AK6: variants seen among roughly 807,000 people sequenced by gnomAD.
AK6 encodes adenylate kinase 6.
Under a neutral mutation model 23.7 loss-of-function variants are expected in AK6, and 24 were observed. That is an observed-to-expected ratio of 1.01 (90% CI 0.73 to 1.43). The LOEUF (loss-of-function observed/expected upper bound fraction) is 1.43, where lower values mean the gene tolerates loss of function less well. Ranked by LOEUF, AK6 falls within the 40% of genes most tolerant of loss-of-function variation. The pLI is 0.00. For missense variants in AK6, 191 were observed against 199.1 expected (o/e 0.96, Z 0.24); for synonymous variants, 73 against 69.8 (o/e 1.05, Z -0.23).
chr5:69,355,551 C>G (rs772933783), intron 4 of AK6, 98 bp downstream of exon 4: 1 of 1,331,876 alleles, frequency 7.5e-7, no homozygotes, highest in South Asian at 1.5e-5. Context: ...CAAAACAAAA[C>G]AAAACAAACA....
intron 1 of AK6, 175 bp downstream of exon 1, chr5:69,369,288 T>C (rs535861720): frequency 2.1e-4 from 24 of 114,206 alleles, no homozygotes; most frequent in African/African-American, 1.3e-3. Context: ...GTCCCCTCCC[T>C]CGCCTCCCGC....
rs1580303796 is a variant in AK6 at position 69,355,742 on chromosome 5, T to C, written c.233A>G (p.Tyr78Cys). Reference protein sequence around the residue: ...QMREGGVIVDYHGCDFFPERW... With the variant: ...QMREGGVIVDCHGCDFFPERW... ...TTCAGGGAAGAAATCACAACCATGG[T>C]AATCAACAATAACTCCACCTTCTCT... The change falls in exon 4 of 5, where the codon TAC becomes TGC. Residue 78 changes from tyrosine to cysteine, a missense_variant. Transcript: ENST00000380822. The C allele has an allele frequency of 6.2e-7, 1 of 1,613,828 alleles. No homozygotes were observed. Among genetic ancestry groups the C allele is most frequent in the Non-Finnish European group, 8.5e-7 (1 of 1,179,906 alleles).
At chr5:69,367,211 G>A (rs1163931980) in intron 1 of AK6, among the ~76,000 whole-genome samples, 1 of 151,820 alleles carries the variant, frequency 6.6e-6, no homozygotes, top group Non-Finnish European at 1.5e-5. Context: ...GAACTGCTGA[G>A]AATAAAATTA....
chr5:69,364,345 T>A (rs908995537), intron 2 of AK6, among the ~76,000 whole-genome samples: 1 of 151,012 alleles, frequency 6.6e-6, no homozygotes, highest in Non-Finnish European at 1.5e-5. Flanking sequence ...AAGAGACACT[T>A]ATAAATTTTT....
At chr5:69,359,654 T>A (rs980991043) in intron 2 of AK6, among the ~76,000 whole-genome samples, 1 of 152,202 alleles carries the variant, frequency 6.6e-6, no homozygotes, top group Non-Finnish European at 1.5e-5. Context: ...CTAGAACTTA[T>A]ATACACTCAA....
intron 1 of AK6, among the ~76,000 whole-genome samples, chr5:69,367,609 T>G (rs559485203): frequency 3.3e-5 from 5 of 151,974 alleles, no homozygotes; most frequent in Admixed American, 3.3e-4. Context: ...TAGGCTGGAG[T>G]GCAGTGGAAC....
At chr5:69,368,655 TC>T (rs1240857132) in intron 1 of AK6, among the ~76,000 whole-genome samples, 2 of 152,198 alleles carry the variant, frequency 1.3e-5, no homozygotes, top group Non-Finnish European at 2.9e-5. Flanking sequence ...ACTTTACTGT[TC>T]CCACAAAGAG....
chr5:69,367,466 C>T (rs71622289), intron 1 of AK6, among the ~76,000 whole-genome samples: 3 of 147,454 alleles, frequency 2.0e-5, no homozygotes, highest in Non-Finnish European at 3.0e-5. Context: ...GCCAAGATCG[C>T]GCCACAGCAC....
chr5:69,364,962 T>C, intron 2 of AK6: 1 of 1,611,866 alleles, frequency 6.2e-7, no homozygotes, highest in African/African-American at 1.3e-5. Context: ...ATCATAGTCA[T>C]CATCATCATC....
rs796808528 is a variant in AK6 at position 69,368,107 on chromosome 5, TA to T, written c.28+1355del. ...CGCCCTTCCCTAGAGATAACCACTG[TA>T]AACCAGTTTCCTTTCCCAAAGAAAC... On this transcript the variant is annotated intron_variant, in intron 1 of 4. Coordinates refer to ENST00000380822, the MANE Select transcript of AK6 (RefSeq NM_016283.5). Among the ~76,000 whole-genome samples the T allele has an allele frequency of 9.2e-5, 14 of 152,318 alleles. 1 individual carries two copies. The highest frequency in any genetic ancestry group is 3.4e-4 in the African/African-American group (14 of 41,576).
At chr5:69,369,316 G>C (rs1288827716) in intron 1 of AK6, 147 bp downstream of exon 1, 26 of 648,234 alleles carry the variant, frequency 4.0e-5, no homozygotes, top group Non-Finnish European at 5.0e-5. Context: ...GCGAGGGTCG[G>C]CTCCCGGGGC....
chr5:69,353,310 T>C (rs189054420), intron 4 of AK6, among the ~76,000 whole-genome samples: 158 of 152,274 alleles, frequency 1.0e-3, no homozygotes, highest in African/African-American at 3.7e-3. Flanking sequence ...AAAATTTTCT[T>C]TTTTTGAGAC....
At chr5:69,355,062 C>G (rs1008007335) in intron 4 of AK6, among the ~76,000 whole-genome samples, 1 of 152,096 alleles carries the variant, frequency 6.6e-6, no homozygotes, top group African/African-American at 2.4e-5. Flanking sequence ...ATGTCCTGAC[C>G]TTGTGATCCT....
chr5:69,359,816 G>C (rs750976054), intron 2 of AK6, among the ~76,000 whole-genome samples: 16 of 152,132 alleles, frequency 1.1e-4, no homozygotes, highest in Non-Finnish European at 1.6e-4. Context: ...AAAGCAATTA[G>C]AACAAGAAAT....
intron 2 of AK6, among the ~76,000 whole-genome samples, chr5:69,364,274 T>C (rs1762326677): frequency 2.0e-5 from 3 of 151,628 alleles, no homozygotes; most frequent in African/African-American, 7.3e-5. Flanking sequence ...AAAATGAACA[T>C]GATACTGGCT....
chr5:69,365,423 T>C lies in AK6; in HGVS notation c.121+1080A>G, dbSNP rs376343029. 97 of 1,614,234 alleles carry C rather than the reference T, an allele frequency of 6.0e-5. No homozygotes were observed. In the East Asian group the frequency reaches 1.2e-3, roughly 21 times the overall value. ...TAGGACCTGAATATGGCTTGATCAATGGCAAAGGGGTTTGATTTCTTTGCC... is the reference window on the plus strand; with the variant it reads ...TAGGACCTGAATATGGCTTGATCAACGGCAAAGGGGTTTGATTTCTTTGCC... On this transcript the variant is annotated intron_variant, in intron 2 of 4. Coordinates refer to ENST00000380822, the MANE Select transcript of AK6 (RefSeq NM_016283.5).
chr5:69,362,950 T>G (rs1762280201), intron 2 of AK6, among the ~76,000 whole-genome samples: 1 of 152,096 alleles, frequency 6.6e-6, no homozygotes, highest in South Asian at 2.1e-4. Context: ...GTTGAGTACT[T>G]GAGGTACAGT....
At chr5:69,364,738 A>T (rs531658219) in intron 2 of AK6, 1 of 658,320 alleles carries the variant, frequency 1.5e-6, no homozygotes, top group East Asian at 2.5e-5. Context: ...CCAAAGCACC[A>T]ACAATCGAAT....
intron 2 of AK6, chr5:69,365,040 G>C (rs1255349836): frequency 1.2e-6 from 2 of 1,613,974 alleles, no homozygotes; most frequent in Non-Finnish European, 1.7e-6. Flanking sequence ...AGTATTTTGT[G>C]ATGACATCAT....
Sources: gnomAD v4.1 joint callset for allele counts (sites outside exome capture counted in the v4.1 genomes callset) on GRCh38, gnomAD v4.1.1 for gene constraint, MANE v1.5 for transcripts, NCBI Gene and HGNC (gene_info 2026-07-23, HGNC 2026-07-21) for gene names.